SMDT1: variants seen among roughly 807,000 people sequenced by gnomAD.
The protein encoded by SMDT1 is single-pass membrane protein with aspartate rich tail 1.
SMDT1 carries 6 observed loss-of-function variants against 5.9 expected under a neutral mutation model. The observed-to-expected ratio is 1.03, with a 90% CI of 0.56 to 2.02. The LOEUF (loss-of-function observed/expected upper bound fraction) is 2.02, where lower values mean the gene tolerates loss of function less well. SMDT1 is among the 30% of genes most tolerant of loss of function. SMDT1 has a pLI of 0.00. For missense variants in SMDT1, 159 were observed against 145.6 expected (o/e 1.09, Z -0.47); for synonymous variants, 81 against 62.4 (o/e 1.30, Z -1.40).
rs545180387 is a variant in SMDT1, at chr22:42,084,071, G to A, written c.*956G>A. 1.3e-5 allele frequency: 2 copies of A among 152,286 alleles called. No individual in the cohort carries two copies. Among genetic ancestry groups the A allele is most frequent in the African/African-American group, 4.8e-5 (2 of 41,520 alleles). The allele number at this position is 152,286 out of a possible 1,614,324, so 9.4% of individuals were successfully genotyped here. On this transcript the variant is annotated 3_prime_UTR_variant, in exon 3 of 3. Transcript: ENST00000331479. ...TTTTGTCCAATCCCATTTCTCCAGT[G>A]TTGTCCATGCTTCAATCATCCCTAT...
rs1363032186 is a variant in SMDT1, at chr22:42,083,438, T to C, written c.*323T>C. The C allele has an allele frequency of 1.3e-5, 2 of 152,216 alleles. No homozygotes were observed. The highest frequency in any genetic ancestry group is 3.2e-3 in the Middle Eastern group (1 of 316). The allele number at this position is 152,216 out of a possible 1,614,324, so 9.4% of individuals were successfully genotyped here. On this transcript the variant is annotated 3_prime_UTR_variant, in exon 3 of 3. Transcript: ENST00000331479. Reference sequence around the variant, plus strand: ...AGTTGTCTCTGCTGTCCTTTATTTATGGGAGAAACATAGGCCCAGGCTATC... The same window carrying C: ...AGTTGTCTCTGCTGTCCTTTATTTACGGGAGAAACATAGGCCCAGGCTATC...
chr22:42,079,956 T>A lies in SMDT1; in HGVS notation c.186+2T>A. 6.2e-6 allele frequency: 10 copies of A among 1,610,254 alleles called. No homozygotes were observed. The highest frequency in any genetic ancestry group is 8.5e-6 in the Non-Finnish European group (10 of 1,177,614). ...GCCATTTTGCCCAAACCGGTGAAAG[T>A]GAGTGTCCTCCTGGAGACGGGGCGA... On this transcript the variant is annotated splice_donor_variant, in intron 1 of 2. Transcript: ENST00000331479. LOFTEE classifies it high-confidence loss of function.
Position 42,079,887 on chromosome 22 carries a change from G to A in SMDT1, c.119G>A (p.Arg40Gln), listed in dbSNP as rs753576232. The A allele has an allele frequency of 1.9e-6, 3 of 1,614,034 alleles. No homozygotes were observed. Among genetic ancestry groups the A allele is most frequent in the Admixed American group, 3.3e-5 (2 of 59,992 alleles). The change falls in exon 1 of 3, where the codon CGG (arginine) becomes CAG (glutamine). Residue 40 changes from arginine (R) to glutamine (Q), a missense_variant. Transcript: ENST00000331479. ...DVSAAWSGSG[R>Q]SLVPSRSVIV... The stretch of plus-strand genomic sequence containing the variant: ...TCCGCCGCATGGAGCGGCTCAGGCC[G>A]GAGCCTGGTACCGTCGAGGTCAGTC...
chr22:42,082,725 G>A (rs1927881617), intron 2 of SMDT1, among the ~76,000 whole-genome samples: 1 of 152,124 alleles, frequency 6.6e-6, no homozygotes, highest in South Asian at 2.1e-4. Context: ...CTCCCACATG[G>A]AAGGCTCCTT....
rs1464552380 is a variant in SMDT1 at position 42,083,496 on chromosome 22, G to A, written c.*381G>A. 1.3e-5 allele frequency: 2 copies of A among 152,132 alleles called. No homozygotes were observed. The highest frequency in any genetic ancestry group is 2.9e-5 in the Non-Finnish European group (2 of 68,044). 9.4% of individuals were successfully genotyped at this position (152,132 alleles called of 1,614,324 possible). A position where few individuals can be genotyped will look rare whatever the true frequency, so the allele number is the denominator to read the frequency against. ...CAGTGGAGCCTGGTGAACTATTCTGGGGGCCCTGGGAACTATTTTCATTGT... is the reference window on the plus strand; with the variant it reads ...CAGTGGAGCCTGGTGAACTATTCTGAGGGCCCTGGGAACTATTTTCATTGT... On this transcript the variant is annotated 3_prime_UTR_variant, in exon 3 of 3. Coordinates refer to ENST00000331479, the MANE Select transcript of SMDT1 (RefSeq NM_033318.5).
Position 42,079,781 on chromosome 22 carries a change from G to T in SMDT1, c.13G>T (p.Ala5Ser), listed in dbSNP as rs1927600107. 1 of 1,605,738 alleles carries T rather than the reference G, an allele frequency of 6.2e-7. No homozygotes were observed. The highest frequency in any genetic ancestry group is 1.3e-5 in the African/African-American group (1 of 74,900). MASG[A>S]ARWLVLAPVR... ...CGGAGCTGGGGGCATGGCGTCCGGA[G>T]CGGCTCGCTGGCTAGTATTGGCACC... Residue 5 changes from alanine to serine, a missense_variant, in exon 1 of 3, where the codon GCG becomes TCG. By Grantham distance (99) the Ala-to-Ser change is moderately conservative. Transcript: ENST00000331479.
At chr22:42,080,523 C>T (rs955077038) in intron 1 of SMDT1, among the ~76,000 whole-genome samples, 4 of 152,294 alleles carry the variant, frequency 2.6e-5, no homozygotes, top group African/African-American at 9.6e-5. Flanking sequence ...CTTCCTGGTA[C>T]CGTCCCCACC....
intron 1 of SMDT1, 24 bp downstream of exon 1, chr22:42,079,978 G>T (rs1260730958): frequency 6.9e-6 from 11 of 1,598,958 alleles, no homozygotes; most frequent in Middle Eastern, 1.7e-4. Context: ...TGGAGACGGG[G>T]CGAAGGGGCT....
chr22:42,081,646 G>C lies in SMDT1; in HGVS notation c.187-279G>C, dbSNP rs2071711. 0.27 allele frequency among the ~76,000 whole-genome samples: 40,977 copies of C among 151,390 alleles called. 6,219 individuals carry two copies. The highest frequency in any genetic ancestry group is 0.43 in the Middle Eastern group (127 of 294). On this transcript the variant is annotated intron_variant, in intron 1 of 2. Transcript: ENST00000331479. ...GGGTCAATTTTTTGTATTTTTAGTA[G>C]AGACGGGATTTCACCATGTTGGCCA...
At position 42,083,385 on chromosome 22, in the gene SMDT1, C is replaced by T. The variant is rs1602513219; in HGVS notation, c.*270C>T. On this transcript the variant is annotated 3_prime_UTR_variant, in exon 3 of 3. Coordinates refer to ENST00000331479, the MANE Select transcript of SMDT1 (RefSeq NM_033318.5). ...CGTGACTGAGTGATGGCTGCAGTTT[C>T]TCAGTATCCCTAGGTTCTAGTTGGT... 6.6e-6 allele frequency: 1 copy of T among 152,474 alleles called. No individual in the cohort carries two copies. Among genetic ancestry groups the T allele is most frequent in the South Asian group, 2.1e-4 (1 of 4,830 alleles). The allele number at this position is 152,474 out of a possible 1,614,324, so 9.4% of individuals were successfully genotyped here. A position where few individuals can be genotyped will look rare whatever the true frequency, so the allele number is the denominator to read the frequency against.
rs1273506787 is a variant in SMDT1 at position 42,079,910 on chromosome 22, G to A, written c.142G>A (p.Val48Ile). Residue 48 changes from valine (V) to isoleucine (I), a missense_variant, in exon 1 of 3, where the codon GTC (valine) becomes ATC (isoleucine). Physicochemically the swap from Val to Ile is conservative, Grantham distance 29. Coordinates refer to ENST00000331479, the MANE Select transcript of SMDT1 (RefSeq NM_033318.5). ...CCGGAGCCTGGTACCGTCGAGGTCA[G>A]TCATCGTTACCCGCAGCGGCGCCAT... ...SGRSLVPSRS[V>I]IVTRSGAILP... 1 of 1,613,766 alleles carries A rather than the reference G, an allele frequency of 6.2e-7. No homozygotes were observed. The highest frequency in any genetic ancestry group is 1.7e-4 in the Middle Eastern group (1 of 6,058).
At chr22:42,082,134 C>G in intron 2 of SMDT1, 69 bp downstream of exon 2, 1 of 1,579,132 alleles carries the variant, frequency 6.3e-7, no homozygotes. Context: ...GCAGTCTGGC[C>G]TGGTAGCAGC....
At chr22:42,080,179 A>T (rs896224443) in intron 1 of SMDT1, among the ~76,000 whole-genome samples, 1 of 152,172 alleles carries the variant, frequency 6.6e-6, no homozygotes, top group Non-Finnish European at 1.5e-5. Context: ...GGCCTTTTAC[A>T]TTAGCTTGTC....
chr22:42,080,000 T>C (rs185774081), intron 1 of SMDT1, 46 bp downstream of exon 1: 3 of 1,555,114 alleles, frequency 1.9e-6, no homozygotes, highest in South Asian at 2.4e-5. Flanking sequence ...AGGCCAATCA[T>C]TGTGGGGAGT....
intron 1 of SMDT1, 53 bp from the exon 2 acceptor site, chr22:42,081,872 G>C: frequency 6.2e-7 from 1 of 1,608,146 alleles, no homozygotes; most frequent in Admixed American, 1.7e-5. Flanking sequence ...GTCTTCTTTG[G>C]TCCTGCCAGA....
At chr22:42,080,038 G>T in intron 1 of SMDT1, 84 bp downstream of exon 1, 1 of 1,398,078 alleles carries the variant, frequency 7.2e-7, no homozygotes, top group Non-Finnish European at 9.7e-7. Flanking sequence ...ATTGATAGGA[G>T]CCAAGGCCAA....
In SMDT1 at chr22:42,083,448, A is replaced by G. The variant is rs1602513305; in HGVS notation, c.*333A>G. 6.6e-6 allele frequency: 1 copy of G among 152,350 alleles called. No homozygotes were observed. Among genetic ancestry groups the G allele is most frequent in the South Asian group, 2.1e-4 (1 of 4,828 alleles). The allele number at this position is 152,350 out of a possible 1,614,324, so 9.4% of individuals were successfully genotyped here. On this transcript the variant is annotated 3_prime_UTR_variant, in exon 3 of 3. Coordinates refer to ENST00000331479, the MANE Select transcript of SMDT1 (RefSeq NM_033318.5). ...GCTGTCCTTTATTTATGGGAGAAAC[A>G]TAGGCCCAGGCTATCCAGGCTGCAG...
In SMDT1 at chr22:42,081,877, G is replaced by C. The variant is rs1399028386; in HGVS notation, c.187-48G>C. Reference sequence around the variant, plus strand: ...AGAGGGCCAGGTCTTCTTTGGTCCTGCCAGAGTGGGCTCTGGAGCTCACAG... The same window carrying C: ...AGAGGGCCAGGTCTTCTTTGGTCCTCCCAGAGTGGGCTCTGGAGCTCACAG... On this transcript the variant is annotated intron_variant, in intron 1 of 2. Coordinates refer to ENST00000331479, the MANE Select transcript of SMDT1 (RefSeq NM_033318.5). 3 of 1,609,274 alleles carry C rather than the reference G, an allele frequency of 1.9e-6. No homozygotes were observed. In the Admixed American group the frequency reaches 5.0e-5, roughly 27 times the overall value.
Position 42,079,731 on chromosome 22 carries a change from G to A in SMDT1, c.-38G>A. On this transcript the variant is annotated 5_prime_UTR_variant, in exon 1 of 3. Transcript: ENST00000331479. ...GAGGGCGGCACGAGGGCTGGGCGGT[G>A]GGGTGCGGGTGCCCGGGTGAGGGGC... The A allele has an allele frequency of 6.3e-7, 1 of 1,579,872 alleles. No homozygotes were observed. Among genetic ancestry groups the A allele is most frequent in the Non-Finnish European group, 8.6e-7 (1 of 1,167,474 alleles).
Sources: allele counts gnomAD v4.1 joint callset (sites outside exome capture counted in the v4.1 genomes callset), GRCh38; gene constraint gnomAD v4.1.1; transcripts MANE v1.5; gene names NCBI Gene and HGNC (gene_info 2026-07-23, HGNC 2026-07-21).